Variants in VPS41 observed in about 807,000 individuals in gnomAD.
VPS41 encodes vacuolar protein sorting-associated protein 41 homolog.
In VPS41, 85 loss-of-function variants were observed where a neutral mutation model predicts 130.9. The ratio of observed to expected loss-of-function variants is 0.65; its 90% confidence interval spans 0.55 to 0.78. The LOEUF (loss-of-function observed/expected upper bound fraction) is 0.78, where lower values mean the gene tolerates loss of function less well. Among genes scored for constraint, VPS41 ranks in the 30% least tolerant of loss-of-function variants. The pLI is 0.00. For missense variants in VPS41, 874 were observed against 1,018.7 expected (o/e 0.86, Z 1.93); for synonymous variants, 335 against 332.9 (o/e 1.01, Z -0.07).
chr7:38,857,236 A>T (rs1352617030), intron 4 of VPS41, among the ~76,000 whole-genome samples: 1 of 152,212 alleles, frequency 6.6e-6, no homozygotes, highest in East Asian at 1.9e-4. Context: ...AAAATTTGAT[A>T]TTTATCTTAA....
At chr7:38,823,867 T>C (rs1785220920) in intron 5 of VPS41, among the ~76,000 whole-genome samples, 4 of 152,176 alleles carry the variant, frequency 2.6e-5, no homozygotes, top group Admixed American at 2.6e-4. Context: ...GTTCAGAGGG[T>C]ATAAAGTCAT....
intron 19 of VPS41, 64 bp from the exon 20 acceptor site, chr7:38,755,000 C>G (rs1783761168): frequency 1.4e-6 from 2 of 1,480,830 alleles, no homozygotes; most frequent in Non-Finnish European, 1.9e-6. Flanking sequence ...AGACTAAACA[C>G]AATGCAGTGT....
At position 38,905,281 on chromosome 7, in the gene VPS41, T is replaced by C. The variant is rs1014866973; in HGVS notation, c.21+3873A>G. On this transcript the variant is annotated intron_variant, in intron 1 of 28. Coordinates refer to ENST00000310301, the MANE Select transcript of VPS41 (RefSeq NM_014396.4). Reference sequence around the variant, plus strand: ...CAGACTTCAAGCAGAATGTTATTCATAAGAAAGATATGGACAAATACTGTT... The same window carrying C: ...CAGACTTCAAGCAGAATGTTATTCACAAGAAAGATATGGACAAATACTGTT... 2.2e-4 allele frequency among the ~76,000 whole-genome samples: 33 copies of C among 152,190 alleles called. 1 individual carries two copies. The South Asian group carries it at 4.8e-3, about 22-fold the overall frequency.
intron 5 of VPS41, among the ~76,000 whole-genome samples, chr7:38,826,531 A>G (rs1341264569): frequency 6.6e-6 from 1 of 152,228 alleles, no homozygotes; most frequent in African/African-American, 2.4e-5. Flanking sequence ...GACAATGATT[A>G]TAATAATAGC....
intron 7 of VPS41, among the ~76,000 whole-genome samples, chr7:38,799,983 T>G (rs1275658971): frequency 6.6e-6 from 1 of 152,076 alleles, no homozygotes; most frequent in African/African-American, 2.4e-5. Flanking sequence ...ACTGCGGTCT[T>G]GGACACCGTC....
chr7:38,834,594 C>T (rs1562603812), intron 4 of VPS41, among the ~76,000 whole-genome samples: 1 of 152,150 alleles, frequency 6.6e-6, no homozygotes, highest in African/African-American at 2.4e-5. Context: ...ACATGGTTTA[C>T]TCTCAACAGA....
intron 24 of VPS41, among the ~76,000 whole-genome samples, chr7:38,742,348 A>G (rs986905991): frequency 6.6e-6 from 1 of 152,200 alleles, no homozygotes; most frequent in Non-Finnish European, 1.5e-5. Flanking sequence ...AAAGTAAATA[A>G]GAACTGTTTT....
Position 38,830,280 on chromosome 7 carries a change from T to C in VPS41, c.295A>G (p.Met99Val). 6.2e-7 allele frequency: 1 copy of C among 1,613,474 alleles called. No homozygotes were observed. Among genetic ancestry groups the C allele is most frequent in the Non-Finnish European group, 8.5e-7 (1 of 1,179,372 alleles). Residue 99 changes from methionine to valine, a missense_variant, in exon 5 of 29, where the codon ATG becomes GTG. Physicochemically the swap from Met to Val is conservative, Grantham distance 21 (BLOSUM62 1). Coordinates refer to ENST00000310301, the MANE Select transcript of VPS41 (RefSeq NM_014396.4). ...QISLDESGEH[M>V]GVCSEDGKVQ... The stretch of plus-strand genomic sequence containing the variant: ...TTGCCATCCTCTGAACACACACCCA[T>C]GTGCTCTCCACTTTCATCCAAGCTA...
rs13231320 is a variant in VPS41 at position 38,724,568 on chromosome 7, T to C, written c.*1678A>G. The C allele has an allele frequency of 0.12, 17,664 of 152,878 alleles. 1,216 individuals are homozygous for C. Among genetic ancestry groups the C allele is most frequent in the African/African-American group, 0.19 (7,711 of 41,472 alleles). The allele number at this position is 152,878 out of a possible 1,614,324, so 9.5% of individuals were successfully genotyped here. ...TGAAGATATGTTCTGTGCATTTCCT[T>C]TGAACTTGGCCCTATGATTTCTTTT... is the stretch of plus-strand genomic sequence containing the variant. On this transcript the variant is annotated 3_prime_UTR_variant, in exon 29 of 29. Transcript: ENST00000310301.
intron 7 of VPS41, 47 bp from the exon 8 acceptor site, chr7:38,796,911 T>A (rs756061300): frequency 6.2e-7 from 1 of 1,610,096 alleles, no homozygotes; most frequent in African/African-American, 1.3e-5. Context: ...CTGAAAATAA[T>A]GTATCAGGTT....
At chr7:38,887,130 G>A (rs1480656577) in intron 2 of VPS41, among the ~76,000 whole-genome samples, 3 of 152,094 alleles carry the variant, frequency 2.0e-5, no homozygotes, top group Non-Finnish European at 4.4e-5. Context: ...TCCTCCAAAG[G>A]AACACAACTC....
intron 4 of VPS41, among the ~76,000 whole-genome samples, chr7:38,843,669 G>A (rs1460531919): frequency 1.3e-5 from 2 of 149,900 alleles, no homozygotes; most frequent in African/African-American, 4.9e-5. Flanking sequence ...GTGAAAGAGT[G>A]AGACTCCGTC....
chr7:38,801,223 C>A (rs575869667), intron 7 of VPS41, among the ~76,000 whole-genome samples: 1 of 152,294 alleles, frequency 6.6e-6, no homozygotes, highest in Admixed American at 6.5e-5. Flanking sequence ...ACCTTGTGGA[C>A]CCTGCTCTGA....
At chr7:38,872,609 C>T (rs138030717) in intron 2 of VPS41, among the ~76,000 whole-genome samples, 46 of 152,144 alleles carry the variant, frequency 3.0e-4, no homozygotes, top group African/African-American at 1.1e-3. Flanking sequence ...CTAATAGCAA[C>T]AAAAGGGAAG....
At chr7:38,743,249 T>C (rs570664246) in intron 24 of VPS41, among the ~76,000 whole-genome samples, 153 bp downstream of exon 24, 9 of 152,266 alleles carry the variant, frequency 5.9e-5, no homozygotes, top group East Asian at 1.9e-4. Context: ...AGGAGGAGTA[T>C]TGGAAATCAT....
intron 25 of VPS41, among the ~76,000 whole-genome samples, chr7:38,731,118 A>G (rs562018842): frequency 6.6e-6 from 1 of 152,354 alleles, no homozygotes; most frequent in African/African-American, 2.4e-5. Context: ...CCCAATCAGA[A>G]AAACAGGAAA....
At chr7:38,835,262 T>C (rs1365292155) in intron 4 of VPS41, among the ~76,000 whole-genome samples, 3 of 151,970 alleles carry the variant, frequency 2.0e-5, no homozygotes, top group Non-Finnish European at 2.9e-5. Context: ...TTCTTACTAT[T>C]ATTCCTTAAT....
At chr7:38,774,961 C>T (rs1479228058) in intron 11 of VPS41, among the ~76,000 whole-genome samples, 1 of 152,058 alleles carries the variant, frequency 6.6e-6, no homozygotes, top group Non-Finnish European at 1.5e-5. Context: ...GTGGCAAGTA[C>T]ACAGACATAC....
intron 25 of VPS41, among the ~76,000 whole-genome samples, chr7:38,736,513 C>G (rs1345952650): frequency 6.6e-6 from 1 of 152,238 alleles, no homozygotes; most frequent in African/African-American, 2.4e-5. Flanking sequence ...ATGTCCACCG[C>G]TCTTTAAAAG....
Sources: gnomAD v4.1 joint callset for allele counts (sites outside exome capture counted in the v4.1 genomes callset) on GRCh38, gnomAD v4.1.1 for gene constraint, MANE v1.5 for transcripts, NCBI Gene and HGNC (gene_info 2026-07-23, HGNC 2026-07-21) for gene names.